GATA3: variants seen among roughly 807,000 people sequenced by gnomAD.
The protein encoded by GATA3 is GATA binding protein 3.
A neutral mutation model predicts 36.0 loss-of-function variants in GATA3; 6 were observed. That is an observed-to-expected ratio of 0.17 (90% CI 0.09 to 0.33). The LOEUF is 0.33. GATA3 is among the 10% of genes least tolerant of loss of function. GATA3 has a pLI of 1.00. For missense variants in GATA3, 514 were observed against 610.1 expected (o/e 0.84, Z 1.66); for synonymous variants, 326 against 273.0 (o/e 1.19, Z -1.92).
intron 4 of GATA3, 130 bp downstream of exon 4, chr10:8,064,268 G>GTTTTTT: frequency 3.1e-6 from 2 of 637,850 alleles, no homozygotes; most frequent in Non-Finnish European, 2.5e-6. Flanking sequence ...GCTTGGGACA[G>GTTTTTT]TTTTTTTTTT....
chr10:8,070,776 C>T (rs976343257), intron 5 of GATA3, among the ~76,000 whole-genome samples: 3 of 152,170 alleles, frequency 2.0e-5, no homozygotes, highest in African/African-American at 2.4e-5. Context: ...GAGCCCTGTA[C>T]GCTCATTCCC....
rs1832975214 is a variant in GATA3 at position 8,073,994 on chromosome 10, C to A, written c.1306C>A (p.Pro436Thr). The change falls in exon 6 of 6, where the codon CCC (proline) becomes ACC (threonine). Residue 436 changes from proline to threonine, a missense_variant. Coordinates refer to ENST00000379328, the MANE Select transcript of GATA3 (RefSeq NM_001002295.2). ...PSSLSFGPHH[P>T]SSMVTAMG is the part of the protein sequence containing the mutation. ...CAGCCTGTCCTTTGGACCACACCACCCCTCCAGCATGGTCACCGCCATGGG... is the reference window on the plus strand; with the variant it reads ...CAGCCTGTCCTTTGGACCACACCACACCTCCAGCATGGTCACCGCCATGGG... 1 of 1,614,164 alleles carries A rather than the reference C, an allele frequency of 6.2e-7. No individual in the cohort carries two copies. The highest frequency in any genetic ancestry group is 8.5e-7 in the Non-Finnish European group (1 of 1,180,028).
upstream of GATA3, among the ~76,000 whole-genome samples, chr10:8,050,269 C>T (rs1332390404): frequency 2.0e-5 from 3 of 152,232 alleles, no homozygotes; most frequent in East Asian, 5.8e-4. Context: ...ACAATGGCCT[C>T]TATTAAAATG....
intron 1 of GATA3, among the ~76,000 whole-genome samples, chr10:8,048,545 C>G (rs1399157759): frequency 1.3e-5 from 2 of 152,162 alleles, no homozygotes; most frequent in Non-Finnish European, 2.9e-5. Context: ...ATGTCCAAAG[C>G]CCGGGAGACC....
chr10:8,046,316 G>A lies in GATA3; in HGVS notation c.-370+801G>A, dbSNP rs541708964. On this transcript the variant is annotated intron_variant, in intron 1 of 1. Transcript: ENST00000643001. ...CTTTACATGCCTTTTCTTTCTCTCGGACACCAACAGGGTGCCTGAGGAAAG... is the reference window on the plus strand; with the variant it reads ...CTTTACATGCCTTTTCTTTCTCTCGAACACCAACAGGGTGCCTGAGGAAAG... Among the ~76,000 whole-genome samples the A allele has an allele frequency of 9.9e-5, 15 of 152,278 alleles. No individual in the cohort carries two copies. In the South Asian group the frequency reaches 3.1e-3, roughly 32 times the overall value.
Position 8,055,629 on chromosome 10 carries a change from C to T in GATA3, c.-27C>T, listed in dbSNP as rs765395344. On this transcript the variant is annotated 5_prime_UTR_variant, in exon 2 of 6. Transcript: ENST00000379328. This position sits in a 1 kb window ranked among gnomAD's most constrained non-coding sequence, Gnocchi z 5.4. ...CCCCGCGCGCGGGTTCCGGGCCCGGCGAGAGGGCGCGAGCACAGCCGAGGC... is the reference window on the plus strand; with the variant it reads ...CCCCGCGCGCGGGTTCCGGGCCCGGTGAGAGGGCGCGAGCACAGCCGAGGC... The T allele has an allele frequency of 1.3e-6, 2 of 1,544,616 alleles. No individual in the cohort carries two copies.
At chr10:8,066,603 T>C (rs893715663) in intron 4 of GATA3, among the ~76,000 whole-genome samples, 2 of 152,194 alleles carry the variant, frequency 1.3e-5, no homozygotes, top group African/African-American at 4.8e-5. Flanking sequence ...ACCCAGCCCA[T>C]ATATAGCTAG....
chr10:8,063,555 C>T (rs1426188402), intron 3 of GATA3, among the ~76,000 whole-genome samples: 1 of 152,234 alleles, frequency 6.6e-6, no homozygotes, highest in African/African-American at 2.4e-5. Context: ...TATAGACAGA[C>T]CCATGATGAT....
In GATA3 at chr10:8,058,680, C is replaced by A; in HGVS notation, c.617C>A (p.Thr206Asn). The A allele has an allele frequency of 6.2e-7, 1 of 1,613,288 alleles. No individual in the cohort carries two copies. Among genetic ancestry groups the A allele is most frequent in the Non-Finnish European group, 8.5e-7 (1 of 1,179,980 alleles). ...TCGTCCCACTCCCGTGGCAGCATGA[C>A]CGCCCTGGGTGGAGCCTCCTCGTCG... ...LESSHSRGSM[T>N]ALGGASSSTH... Residue 206 changes from threonine to asparagine, a missense_variant, in exon 3 of 6, where the codon ACC (threonine) becomes AAC (asparagine). Transcript: ENST00000379328.
chr10:8,073,892 T>G lies in GATA3; in HGVS notation c.1204T>G (p.Ser402Ala). Residue 402 changes from serine to alanine, a missense_variant, in exon 6 of 6, where the codon TCC becomes GCC. By Grantham distance (99) the Ser-to-Ala change is moderately conservative. This residue lies in a region of GATA3 where 89 missense variants were observed against 104.2 expected (regional missense o/e 0.85). Transcript: ENST00000379328. ...CCCGGCCGCCCTCTCCAGACACATGTCCTCCCTGAGCCACATCTCGCCCTT... is the reference window on the plus strand; with the variant it reads ...CCCGGCCGCCCTCTCCAGACACATGGCCTCCCTGAGCCACATCTCGCCCTT... ...FNPAALSRHM[S>A]SLSHISPFSH... 6.2e-7 allele frequency: 1 copy of G among 1,613,910 alleles called. No homozygotes were observed. The highest frequency in any genetic ancestry group is 8.5e-7 in the Non-Finnish European group (1 of 1,179,990).
At position 8,056,907 on chromosome 10, in the gene GATA3, T is replaced by G. The variant is rs1832649230; in HGVS notation, c.241+1011T>G. Among the ~76,000 whole-genome samples, 3 of 152,110 alleles carry G rather than the reference T, an allele frequency of 2.0e-5. No homozygotes were observed. In the South Asian group the frequency reaches 6.2e-4, roughly 32 times the overall value. ...GGTAAAACATCGGGCAGAAAAAGTG[T>G]GGGGCTTTCTGAGTCCAGCCAGACC... is the stretch of plus-strand genomic sequence containing the variant. On this transcript the variant is annotated intron_variant, in intron 2 of 5. Transcript: ENST00000379328.
rs1000725339 is a variant in GATA3, at chr10:8,055,128, C to G, written c.-369-159C>G. On this transcript the variant is annotated intron_variant, in intron 1 of 5. Coordinates refer to ENST00000379328, the MANE Select transcript of GATA3 (RefSeq NM_001002295.2). The surrounding 1 kb of genome is among the most constrained non-coding windows in gnomAD (Gnocchi z 5.4). ...CCAGCCCCGGCTCCCGCGAGCCGGG[C>G]TGCAGGGACGTCCCCGAGAGCCCTG... 6.6e-6 allele frequency among the ~76,000 whole-genome samples: 1 copy of G among 152,022 alleles called. No homozygotes were observed. The highest frequency in any genetic ancestry group is 1.5e-5 in the Non-Finnish European group (1 of 67,956).
At position 8,074,998 on chromosome 10, in the gene GATA3, TC is replaced by T. The variant is rs1832991857; in HGVS notation, c.*977del. 4.3e-6 allele frequency: 1 copy of T among 233,160 alleles called. No individual in the cohort carries two copies. Among genetic ancestry groups the T allele is most frequent in the Non-Finnish European group, 8.5e-6 (1 of 117,918 alleles). The allele number at this position is 233,160 out of a possible 1,614,324, so 14.4% of individuals were successfully genotyped here. A position where few individuals can be genotyped will look rare whatever the true frequency, so the allele number is the denominator to read the frequency against. On this transcript the variant is annotated 3_prime_UTR_variant, in exon 6 of 6. Transcript: ENST00000379328. ...CCGGCGGCATCTGTCTTGTCCCTAT[TC>T]CTGCAGCCTGTGCTGAGGGTAGCAG...
Position 8,046,736 on chromosome 10 carries a change from A to T in GATA3, c.-370+1221A>T, listed in dbSNP as rs557582070. ...TGTTTGTGCCATTCAGAAGAACGGA[A>T]TTGTTTTCTACCCATTTGAACCCAG... is the stretch of plus-strand genomic sequence containing the variant. On this transcript the variant is annotated intron_variant, in intron 1 of 1. Coordinates refer to the GATA3 transcript ENST00000643001. Among the ~76,000 whole-genome samples, 14 of 150,556 alleles carry T rather than the reference A, an allele frequency of 9.3e-5. No homozygotes were observed. The East Asian group carries it at 2.8e-3, about 30-fold the overall frequency.
Position 8,073,638 on chromosome 10 carries a change from TC to T in GATA3, c.1051-99del, listed in dbSNP as rs3839919. ...AGCTGAAATGGAAACAGATCCCTGA[TC>T]CGGGGCGGTCAGTGGAACCCTTCTT... On this transcript the variant is annotated intron_variant, in intron 5 of 5. Transcript: ENST00000379328. 1,037 of 1,281,138 alleles carry T rather than the reference TC, an allele frequency of 8.1e-4. 4 individuals are homozygous for T. In the East Asian group the frequency reaches 0.017, roughly 20 times the overall value. 79.4% of individuals were successfully genotyped at this position (1,281,138 alleles called of 1,614,324 possible). A position where few individuals can be genotyped will look rare whatever the true frequency, so the allele number is the denominator to read the frequency against.
Position 8,064,072 on chromosome 10 carries a change from C to T in GATA3, c.858C>T (p.Asn286=), listed in dbSNP as rs781182546. Residue 286 remains asparagine (N), a synonymous_variant, in exon 4 of 6, where the codon AAC becomes AAT. Transcript: ENST00000379328. The part of the protein sequence containing the change: ...RRDGTGHYLC[N]ACGLYHKMNG... ...ATGGCACGGGACACTACCTGTGCAACGCCTGCGGGCTCTATCACAAAATGA... is the reference window on the plus strand; with the variant it reads ...ATGGCACGGGACACTACCTGTGCAATGCCTGCGGGCTCTATCACAAAATGA... 1.3e-5 allele frequency: 21 copies of T among 1,614,132 alleles called. No homozygotes were observed. The highest frequency in any genetic ancestry group is 5.5e-5 in the South Asian group (5 of 91,080).
intron 1 of GATA3, among the ~76,000 whole-genome samples, chr10:8,046,752 T>A (rs553429242): frequency 1.3e-5 from 2 of 151,558 alleles, no homozygotes; most frequent in Non-Finnish European, 2.9e-5. Flanking sequence ...TTCTACCCAT[T>A]TGAACCCAGT....
chr10:8,053,032 A>G (rs1832540679), upstream of GATA3: 1 of 152,232 alleles, frequency 6.6e-6, no homozygotes. This position sits in a 1 kb window ranked among gnomAD's most constrained non-coding sequence, Gnocchi z 5.1. Context: ...ACGCGAGACC[A>G]GGAAGATTCA....
chr10:8,068,096 G>T (rs1288668451), intron 4 of GATA3, among the ~76,000 whole-genome samples: 1 of 152,066 alleles, frequency 6.6e-6, no homozygotes, highest in Non-Finnish European at 1.5e-5. Flanking sequence ...TCTTCCAATG[G>T]TTTTTTTCAG....
Sources: allele counts gnomAD v4.1 joint callset (sites outside exome capture counted in the v4.1 genomes callset), GRCh38; gene constraint gnomAD v4.1.1; regional missense constraint gnomAD v4.1.1; non-coding constraint Gnocchi (gnomAD v3.1); transcripts MANE v1.5; gene names NCBI Gene and HGNC (gene_info 2026-07-23, HGNC 2026-07-21).